The following ARHGAP22 variants were observed in gnomAD, a reference collection of about 807,000 sequenced individuals.
The protein encoded by ARHGAP22 is Rho GTPase activating protein 22.
Under a neutral mutation model 59.1 loss-of-function variants are expected in ARHGAP22, and 48 were observed. That is an observed-to-expected ratio of 0.81 (90% CI 0.64 to 1.03). The LOEUF (loss-of-function observed/expected upper bound fraction) is 1.03, where lower values mean the gene tolerates loss of function less well. Among genes scored for constraint, ARHGAP22 ranks in the 50% least tolerant of loss-of-function variants. The probability of loss-of-function intolerance (pLI) is 0.00; values close to 1 mark genes in which losing one functional copy is unlikely to be tolerated. For missense variants in ARHGAP22, 1,015 were observed against 958.7 expected, an observed-to-expected ratio of 1.06 and a Z score of -0.78; for synonymous variants, 445 against 416.4, an observed-to-expected ratio of 1.07 and a Z score of -0.84.
At chr10:48,549,305 G>A (rs1427398221) in intron 3 of ARHGAP22, among the ~76,000 whole-genome samples, 1 of 152,174 alleles carries the variant, frequency 6.6e-6, no homozygotes, top group African/African-American at 2.4e-5. Context: ...CCTGGCAATG[G>A]GATGGGCTGT....
chr10:48,506,100 A>C (rs2052104288), intron 3 of ARHGAP22, among the ~76,000 whole-genome samples: 1 of 152,196 alleles, frequency 6.6e-6, no homozygotes, highest in Non-Finnish European at 1.5e-5. Context: ...CCTCCTCGGC[A>C]GCTGGGTGGG....
chr10:48,500,719 C>T (rs571546053), intron 3 of ARHGAP22, among the ~76,000 whole-genome samples: 2 of 152,032 alleles, frequency 1.3e-5, no homozygotes, highest in African/African-American at 2.4e-5. Flanking sequence ...GAAAAAACCC[C>T]GTCTCTACTA....
At chr10:48,452,150 C>T (rs1454382889) in intron 8 of ARHGAP22, among the ~76,000 whole-genome samples, 2 of 152,182 alleles carry the variant, frequency 1.3e-5, no homozygotes, top group Admixed American at 6.5e-5. Context: ...TCAGTTCCTA[C>T]GGTGGTGGGG....
intron 2 of ARHGAP22, among the ~76,000 whole-genome samples, chr10:48,570,499 G>A (rs1396977546): frequency 2.6e-5 from 4 of 152,238 alleles, no homozygotes; most frequent in Non-Finnish European, 5.9e-5. Flanking sequence ...TCCTGGGGCA[G>A]AGAGGGTCTG....
chr10:48,474,235 T>G (rs917684444), intron 4 of ARHGAP22, among the ~76,000 whole-genome samples: 1 of 152,238 alleles, frequency 6.6e-6, no homozygotes, highest in Non-Finnish European at 1.5e-5. Flanking sequence ...ATTTTCTTAA[T>G]TTCGTTTTCA....
chr10:48,637,840 A>G (rs2136134571), intron 1 of ARHGAP22, among the ~76,000 whole-genome samples: 1 of 152,260 alleles, frequency 6.6e-6, no homozygotes, highest in East Asian at 1.9e-4. Flanking sequence ...CCCAACAAGG[A>G]TGTCTCCATC....
Position 48,451,061 on chromosome 10 carries a change from C to T in ARHGAP22, c.1068G>A (p.Gly356=). 4 of 1,552,356 alleles carry T rather than the reference C, an allele frequency of 2.6e-6. No individual in the cohort carries two copies. Among genetic ancestry groups the T allele is most frequent in the Non-Finnish European group, 3.5e-6 (4 of 1,147,870 alleles). The change falls in exon 9 of 10, where the codon GGG becomes GGA. Residue 356 remains glycine (G), a synonymous_variant. Coordinates refer to ENST00000249601, the MANE Select transcript of ARHGAP22 (RefSeq NM_021226.4). The stretch of plus-strand genomic sequence containing the variant: ...GCAGGCCCCCGCGCGGGGAGGTGGG[C>T]CCTTCCGGGACCGGTGCCGTGAAGA... ...SQLFTAPVPE[G]PTSPRGGLQC... is the part of the protein sequence containing the mutation.
At chr10:48,563,855 T>G (rs2057873608) in intron 2 of ARHGAP22, among the ~76,000 whole-genome samples, 1 of 152,246 alleles carries the variant, frequency 6.6e-6, no homozygotes, top group Admixed American at 6.5e-5. Flanking sequence ...AGGCTGATTT[T>G]TGGACATATT....
intron 4 of ARHGAP22, among the ~76,000 whole-genome samples, chr10:48,461,374 T>C (rs1443633383): frequency 6.6e-6 from 1 of 152,224 alleles, no homozygotes; most frequent in East Asian, 1.9e-4. Context: ...CCAGCACTGC[T>C]TACCCAGTTA....
chr10:48,465,156 CAGT>C (rs964795461), intron 4 of ARHGAP22, among the ~76,000 whole-genome samples: 3 of 152,232 alleles, frequency 2.0e-5, no homozygotes, highest in Non-Finnish European at 4.4e-5. Context: ...AAACTAGTTC[CAGT>C]AGGTTTGTCA....
chr10:48,531,844 G>A (rs984324763), intron 3 of ARHGAP22, among the ~76,000 whole-genome samples: 2 of 152,210 alleles, frequency 1.3e-5, no homozygotes, highest in South Asian at 2.1e-4. Flanking sequence ...TGGTGAATAA[G>A]ATGGCCTGTG....
chr10:48,595,998 G>A (rs1377886705), intron 1 of ARHGAP22, among the ~76,000 whole-genome samples: 6 of 149,422 alleles, frequency 4.0e-5, no homozygotes, highest in African/African-American at 1.5e-4. Flanking sequence ...TAATTTTTAA[G>A]TAGTGATTAG....
intron 9 of ARHGAP22, among the ~76,000 whole-genome samples, chr10:48,449,691 A>T (rs1449584193): frequency 2.6e-5 from 4 of 152,230 alleles, no homozygotes; most frequent in Admixed American, 6.5e-5. Context: ...CCCGGTCCTC[A>T]TGGGAGGCTG....
At position 48,479,764 on chromosome 10, in the gene ARHGAP22, C is replaced by A; in HGVS notation, c.323G>T (p.Gly108Val). 1 of 1,578,282 alleles carries A rather than the reference C, an allele frequency of 6.3e-7. No homozygotes were observed. Among genetic ancestry groups the A allele is most frequent in the Non-Finnish European group, 8.6e-7 (1 of 1,160,102 alleles). The change falls in exon 4 of 10, where the codon GGT (glycine) becomes GTT (valine). Residue 108 changes from glycine to valine, a missense_variant and splice_region_variant. Coordinates refer to ENST00000249601, the MANE Select transcript of ARHGAP22 (RefSeq NM_021226.4). ...PGKHLFEISP[G>V]GAGEREKVPA... ...CACCTTCTCCCGCTCCCCGGCACCA[C>A]CTGCAAGACAGGGAGACACAGGCTT...
rs527480348 is a variant in ARHGAP22, at chr10:48,463,572, A to G, written c.452-3681T>C. ...GAGTGGCATGAATCCGTCTGCCTTC[A>G]TGGGCCTGTGAGTGGGTAGGGCCTT... On this transcript the variant is annotated intron_variant, in intron 4 of 9. Coordinates refer to ENST00000249601, the MANE Select transcript of ARHGAP22 (RefSeq NM_021226.4). Among the ~76,000 whole-genome samples, 13 of 152,214 alleles carry G rather than the reference A, an allele frequency of 8.5e-5. No homozygotes were observed. In the South Asian group the frequency reaches 2.7e-3, roughly 32 times the overall value.
chr10:48,636,668 G>A (rs2061831745), intron 1 of ARHGAP22, among the ~76,000 whole-genome samples: 1 of 152,182 alleles, frequency 6.6e-6, no homozygotes. Flanking sequence ...CATGACTGCT[G>A]GCAAACAGTA....
At chr10:48,523,049 G>A (rs1017075089) in intron 3 of ARHGAP22, among the ~76,000 whole-genome samples, 3 of 152,224 alleles carry the variant, frequency 2.0e-5, no homozygotes, top group Admixed American at 1.3e-4. Flanking sequence ...CCTGGACAAG[G>A]TCGAAGGCTG....
intron 3 of ARHGAP22, among the ~76,000 whole-genome samples, chr10:48,521,365 G>C (rs2053792970): frequency 6.6e-6 from 1 of 152,204 alleles, no homozygotes; most frequent in Non-Finnish European, 1.5e-5. Context: ...TTTTAAAGGC[G>C]TGATGATGAC....
chr10:48,652,389 A>G (rs2062603196), exon 1 of ARHGAP22: 1 of 915,468 alleles, frequency 1.1e-6, no homozygotes, highest in Non-Finnish European at 1.7e-6. Context: ...GTAACAGGAG[A>G]TCCACATCTA....
Sources: gnomAD v4.1 joint callset for allele counts (sites outside exome capture counted in the v4.1 genomes callset) on GRCh38, gnomAD v4.1.1 for gene constraint, MANE v1.5 for transcripts, NCBI Gene and HGNC (gene_info 2026-07-23, HGNC 2026-07-21) for gene names.